The following TBX10 variants were observed in gnomAD, a reference collection of about 807,000 sequenced individuals.
The protein encoded by TBX10 is T-box transcription factor TBX10.
In TBX10, 26 loss-of-function variants were observed where a neutral mutation model predicts 32.4. That is an observed-to-expected ratio of 0.80 (90% CI 0.59 to 1.11). TBX10 has a LOEUF of 1.11. Ranked by LOEUF, TBX10 falls within the 50% of genes most tolerant of loss-of-function variation. TBX10 has a pLI of 0.00. For synonymous variants in TBX10, 195 were observed against 203.1 expected (o/e 0.96, Z 0.34); for missense variants, 490 against 494.5 (o/e 0.99, Z 0.09).
intron 1 of TBX10, 73 bp downstream of exon 1, chr11:67,639,393 T>TACCCCCCC: frequency 4.1e-6 from 3 of 726,914 alleles, no homozygotes; most frequent in Non-Finnish European, 5.0e-6. Context: ...CTGTCTTGGT[T>TACCCCCCC]CCCACCCTGC....
At chr11:67,637,296 G>A (rs891481272) in intron 1 of TBX10, among the ~76,000 whole-genome samples, 2 of 152,182 alleles carry the variant, frequency 1.3e-5, no homozygotes, top group Admixed American at 1.3e-4. Flanking sequence ...AGAAATGCTT[G>A]TTTTCCGGTG....
rs1316741955 is a variant in TBX10 at position 67,631,590 on chromosome 11, C to A, written c.*15G>T. On this transcript the variant is annotated 3_prime_UTR_variant, in exon 8 of 8. Coordinates refer to ENST00000335385, the MANE Select transcript of TBX10 (RefSeq NM_005995.5). ...AGGTCCAGGGTAGCAGGGCTTCCCCCCAGGGCTTCTGGCATCACTGGGAGT... is the reference window on the plus strand; with the variant it reads ...AGGTCCAGGGTAGCAGGGCTTCCCCACAGGGCTTCTGGCATCACTGGGAGT... 2.5e-6 allele frequency: 4 copies of A among 1,586,142 alleles called. No individual in the cohort carries two copies. The highest frequency in any genetic ancestry group is 4.5e-5 in the East Asian group (2 of 44,276).
Position 67,631,391 on chromosome 11 carries a change from A to T in TBX10, c.*214T>A, listed in dbSNP as rs1531514. Reference sequence around the variant, plus strand: ...CCCAAAGCAAGAGGGCACAGTATTCAGGCTGCTGGGGTTGGGAGATAGAAG... The same window carrying T: ...CCCAAAGCAAGAGGGCACAGTATTCTGGCTGCTGGGGTTGGGAGATAGAAG... On this transcript the variant is annotated 3_prime_UTR_variant, in exon 8 of 8. Transcript: ENST00000335385. The T allele has an allele frequency of 0.54, 334,783 of 623,884 alleles. 94,524 individuals carry two copies. The highest frequency in any genetic ancestry group is 0.65 in the South Asian group (33,362 of 51,058). The allele number at this position is 623,884 out of a possible 1,614,324, so 38.6% of individuals were successfully genotyped here. A position where few individuals can be genotyped will look rare whatever the true frequency, so the allele number is the denominator to read the frequency against.
chr11:67,634,333 C>T lies in TBX10; in HGVS notation c.405G>A (p.Leu135=). 6.2e-7 allele frequency: 1 copy of T among 1,605,926 alleles called. No homozygotes were observed. ...YRYAFHSSAW[L]VAGKADPATP... is the part of the protein sequence containing the mutation. ...TGGCTGGGTCTGCCTTGCCCGCCAC[C>T]AGCCAGGCCGAGCTGTGGAAGGCAT... The change falls in exon 4 of 8, where the codon CTG becomes CTA. Residue 135 remains leucine, a synonymous_variant. Coordinates refer to ENST00000335385, the MANE Select transcript of TBX10 (RefSeq NM_005995.5).
rs1235439126 is a variant in TBX10, at chr11:67,635,164, G to A, written c.107C>T (p.Pro36Leu). 6.2e-7 allele frequency: 1 copy of A among 1,613,852 alleles called. No individual in the cohort carries two copies. Among genetic ancestry groups the A allele is most frequent in the Non-Finnish European group, 8.5e-7 (1 of 1,180,026 alleles). ...GWEPRLGSPFPSGPCTSSTGA... is the reference protein window; with the variant it reads ...GWEPRLGSPFLSGPCTSSTGA... ...AGTAGAGCTGGTGCAAGGGCCTGAT[G>A]GGAATGGTGACCCCAGCCGGGGCTC... The change falls in exon 2 of 8, where the codon CCA (proline) becomes CTA (leucine). Residue 36 changes from proline (P) to leucine (L), a missense_variant. By Grantham distance (98) the Pro-to-Leu change is moderately conservative (BLOSUM62 -3). Coordinates refer to ENST00000335385, the MANE Select transcript of TBX10 (RefSeq NM_005995.5).
At chr11:67,632,713 G>C (rs773790374) in intron 5 of TBX10, 43 bp from the exon 6 acceptor site, 4 of 1,610,880 alleles carry the variant, frequency 2.5e-6, no homozygotes, top group Non-Finnish European at 3.4e-6. Flanking sequence ...CATGAGCCAG[G>C]CTCAGCCACC....
chr11:67,631,770 G>A lies in TBX10; in HGVS notation c.993C>T (p.Tyr331=). 1 of 1,605,340 alleles carries A rather than the reference G, an allele frequency of 6.2e-7. No homozygotes were observed. The highest frequency in any genetic ancestry group is 8.5e-7 in the Non-Finnish European group (1 of 1,176,446). Residue 331 remains tyrosine (Y), a synonymous_variant, in exon 8 of 8, where the codon TAC becomes TAT. Transcript: ENST00000335385. Reference sequence around the variant, plus strand: ...TCCCTAGGTGGCTCGGGGCTCCAGAGTACAGGCTCTGATACGTGACAGGCC... The same window carrying A: ...TCCCTAGGTGGCTCGGGGCTCCAGAATACAGGCTCTGATACGTGACAGGCC... ...TYRPVTYQSL[Y]SGAPSHLGIP... is the part of the protein sequence containing the mutation.
Position 67,635,099 on chromosome 11 carries a change from T to C in TBX10, c.172A>G (p.Lys58Glu). 1.2e-6 allele frequency: 2 copies of C among 1,613,834 alleles called. No homozygotes were observed. Among genetic ancestry groups the C allele is most frequent in the Non-Finnish European group, 1.7e-6 (2 of 1,180,042 alleles). The change falls in exon 2 of 8, where the codon AAG becomes GAG. Residue 58 changes from lysine to glutamate, a missense_variant. Transcript: ENST00000335385. ...AVAEPTGQGP[K>E]NPRVSRVTVQ... ...GTCACTCTGGACACACGTGGGTTCTTGGGGCCCTGCCCAGTGGGCTCGGCC... is the reference window on the plus strand; with the variant it reads ...GTCACTCTGGACACACGTGGGTTCTCGGGGCCCTGCCCAGTGGGCTCGGCC...
At chr11:67,636,566 C>G (rs183621757) in intron 1 of TBX10, among the ~76,000 whole-genome samples, 21 of 151,882 alleles carry the variant, frequency 1.4e-4, no homozygotes, top group Non-Finnish European at 2.2e-4. Flanking sequence ...GGATGGATCT[C>G]GGCTCACTGC....
intron 7 of TBX10, 136 bp from the exon 8 acceptor site, chr11:67,632,030 C>T: frequency 7.7e-7 from 1 of 1,306,852 alleles, no homozygotes; most frequent in African/African-American, 1.5e-5. Context: ...TTCCCTCTGC[C>T]TGGAATTTCT....
At chr11:67,632,843 TGGG>T in intron 5 of TBX10, 102 bp downstream of exon 5, 1 of 1,590,692 alleles carries the variant, frequency 6.3e-7, no homozygotes, top group Non-Finnish European at 8.6e-7. Flanking sequence ...CAGGGCAAGT[TGGG>T]AGGGCAGTAG....
intron 1 of TBX10, 73 bp downstream of exon 1, chr11:67,639,393 T>TACCCCCCCCCCCCC: frequency 1.4e-6 from 1 of 726,924 alleles, no homozygotes; most frequent in Non-Finnish European, 2.5e-6. Context: ...CTGTCTTGGT[T>TACCCCCCCCCCCCC]CCCACCCTGC....
In TBX10 at chr11:67,631,499, G is replaced by C; in HGVS notation, c.*106C>G. ...CTTTCTCTAGACTTTCACCTACCCT[G>C]CTCTCCTTGAGACAGAGATGGGGCT... On this transcript the variant is annotated 3_prime_UTR_variant, in exon 8 of 8. Transcript: ENST00000335385. The C allele has an allele frequency of 7.1e-7, 1 of 1,417,580 alleles. No individual in the cohort carries two copies. The highest frequency in any genetic ancestry group is 1.2e-5 in the South Asian group (1 of 80,792). The allele number at this position is 1,417,580 out of a possible 1,614,324, so 87.8% of individuals were successfully genotyped here. A position where few individuals can be genotyped will look rare whatever the true frequency, so the allele number is the denominator to read the frequency against.
At position 67,635,050 on chromosome 11, in the gene TBX10, A is replaced by G. The variant is rs760083503; in HGVS notation, c.221T>C (p.Leu74Pro). The change falls in exon 2 of 8, where the codon CTG becomes CCG. Residue 74 changes from leucine (L) to proline (P), a missense_variant. Leu to Pro is a moderately conservative substitution (Grantham distance 98). Transcript: ENST00000335385. ...RVTVQLEMKP[L>P]WEEFNQLGTE... ...GCCCAGCTGGTTGAATTCCTCCCACAGAGGCTTCATCTCCAGCTGAACTGT... is the reference window on the plus strand; with the variant it reads ...GCCCAGCTGGTTGAATTCCTCCCACGGAGGCTTCATCTCCAGCTGAACTGT... 3.1e-6 allele frequency: 5 copies of G among 1,613,830 alleles called. No individual in the cohort carries two copies. The Admixed American group carries it at 8.3e-5, about 27-fold the overall frequency.
chr11:67,636,586 C>T (rs1008773901), intron 1 of TBX10, among the ~76,000 whole-genome samples: 3 of 152,024 alleles, frequency 2.0e-5, no homozygotes, highest in Admixed American at 6.6e-5. Context: ...CAACCTCTGC[C>T]TCCCTGGTTC....
At position 67,631,639 on chromosome 11, in the gene TBX10, A is replaced by G. The variant is rs527776441; in HGVS notation, c.1124T>C (p.Val375Ala). ...GTCCTGGCCAGGCCCCAGGCACACCACAGTGGGGGACAGGAGCCCCAGCCC... is the reference window on the plus strand; with the variant it reads ...GTCCTGGCCAGGCCCCAGGCACACCGCAGTGGGGGACAGGAGCCCCAGCCC... ...PAGLGLLSPT[V>A]VCLGPGQDSQ The change falls in exon 8 of 8, where the codon GTG becomes GCG. Residue 375 changes from valine to alanine, a missense_variant. This residue lies in a region of TBX10 where 177 missense variants were observed against 176.6 expected (regional missense o/e 1.00). Coordinates refer to ENST00000335385, the MANE Select transcript of TBX10 (RefSeq NM_005995.5). 6.2e-7 allele frequency: 1 copy of G among 1,603,940 alleles called. No individual in the cohort carries two copies. Among genetic ancestry groups the G allele is most frequent in the Admixed American group, 1.7e-5 (1 of 59,082 alleles).
intron 4 of TBX10, among the ~76,000 whole-genome samples, 193 bp downstream of exon 4, chr11:67,633,996 C>A (rs1855280823): frequency 6.6e-6 from 1 of 152,072 alleles, no homozygotes; most frequent in African/African-American, 2.4e-5. Flanking sequence ...CGCCCCCACC[C>A]CCTTTTCCAC....
chr11:67,641,072 G>A (rs1375031635), upstream of TBX10, among the ~76,000 whole-genome samples: 1 of 152,076 alleles, frequency 6.6e-6, no homozygotes, highest in East Asian at 1.9e-4. Flanking sequence ...AGCCCCTTGA[G>A]GCTATACAAC....
intron 4 of TBX10, among the ~76,000 whole-genome samples, chr11:67,633,933 A>G (rs1219946059): frequency 6.6e-6 from 1 of 152,138 alleles, no homozygotes; most frequent in African/African-American, 2.4e-5. Context: ...TGGGCGTTCC[A>G]TACCTTGTCC....
Sources: allele counts gnomAD v4.1 joint callset (sites outside exome capture counted in the v4.1 genomes callset), GRCh38; gene constraint gnomAD v4.1.1; regional missense constraint gnomAD v4.1.1; transcripts MANE v1.5; gene names NCBI Gene and HGNC (gene_info 2026-07-23, HGNC 2026-07-21).